GET1: variants seen among roughly 807,000 people sequenced by gnomAD.
GET1 encodes the protein congenital heart disease 5 protein.
GET1 carries 20 observed loss-of-function variants against 22.6 expected under a neutral mutation model. The observed-to-expected ratio is 0.89, with a 90% CI of 0.62 to 1.29. GET1 has a LOEUF of 1.29. Ranked by LOEUF, GET1 falls within the 50% of genes most tolerant of loss-of-function variation. The pLI is 0.00. For synonymous variants in GET1, 92 were observed against 83.8 expected (o/e 1.10, Z -0.53); for missense variants, 209 against 219.9 (o/e 0.95, Z 0.31).
chr21:39,381,452 G>A (rs544362916), intron 1 of GET1, among the ~76,000 whole-genome samples: 1 of 152,278 alleles, frequency 6.6e-6, no homozygotes, highest in East Asian at 1.9e-4. Context: ...TTGAGTGCCT[G>A]TTTTGTGCAA....
At chr21:39,410,989 G>T (rs1295874204), downstream of GET1, 2 of 467,292 alleles carry the variant, frequency 4.3e-6, no homozygotes, top group Non-Finnish European at 8.9e-6. Context: ...GGAGATTTTG[G>T]GGGGAAAGCA....
At chr21:39,391,604 G>A in intron 2 of GET1, 165 bp from the exon 3 acceptor site, 2 of 661,586 alleles carry the variant, frequency 3.0e-6, no homozygotes, top group East Asian at 3.0e-5. Flanking sequence ...TAATGAGATG[G>A]TGGGTGACTT....
chr21:39,391,904 A>AGAT lies in GET1; in HGVS notation c.336+69_336+71dup, dbSNP rs749820280. On this transcript the variant is annotated intron_variant, in intron 3 of 4. Transcript: ENST00000649170. ...CCCCGGCCTCCAGAGCCGTGTCTGC[A>AGAT]GATCCAGGGCTGGGAGTTCGGGCTG... The AGAT allele has an allele frequency of 3.3e-6, 5 of 1,511,842 alleles. No individual in the cohort carries two copies. The African/African-American group carries it at 6.9e-5, about 21-fold the overall frequency. The allele number at this position is 1,511,842 out of a possible 1,614,324, so 93.7% of individuals were successfully genotyped here.
At chr21:39,410,735 C>A (rs925944009), downstream of GET1, 12 of 434,016 alleles carry the variant, frequency 2.8e-5, no homozygotes, top group African/African-American at 2.5e-4. Flanking sequence ...TTAGACTGTC[C>A]ATGCTGAAGC....
intron 1 of GET1, among the ~76,000 whole-genome samples, chr21:39,426,978 G>A (rs2074827920): frequency 6.6e-6 from 1 of 152,230 alleles, no homozygotes; most frequent in Non-Finnish European, 1.5e-5. Flanking sequence ...ATTTCATGGG[G>A]TTCACAGACA....
intron 1 of GET1, among the ~76,000 whole-genome samples, chr21:39,420,531 A>AAAAAAAAG (rs1333844237): frequency 6.6e-6 from 1 of 151,122 alleles, no homozygotes; most frequent in African/African-American, 2.4e-5. Flanking sequence ...TCAAAAAAAA[A>AAAAAAAAG]AAAAAAAAAA....
chr21:39,422,635 C>T (rs2073954249), intron 1 of GET1: 1 of 387,516 alleles, frequency 2.6e-6, no homozygotes, highest in Admixed American at 4.1e-5. Flanking sequence ...AGAGAGGTTT[C>T]ACGTAACACA....
At chr21:39,405,626 T>C (rs1271691306) in intron 4 of GET1, among the ~76,000 whole-genome samples, 4 of 152,210 alleles carry the variant, frequency 2.6e-5, no homozygotes, top group Non-Finnish European at 5.9e-5. Context: ...AACCATATAG[T>C]AAACCAGTCT....
intron 1 of GET1, among the ~76,000 whole-genome samples, chr21:39,426,471 T>TGGAA (rs1391191400): frequency 6.6e-6 from 1 of 152,212 alleles, no homozygotes; most frequent in Non-Finnish European, 1.5e-5. Flanking sequence ...TGTAAACCCT[T>TGGAA]GGAACCAGAC....
At chr21:39,380,752 A>G (rs1435003099) in intron 1 of GET1, 3 of 1,181,100 alleles carry the variant, frequency 2.5e-6, no homozygotes, top group African/African-American at 1.6e-5. Flanking sequence ...GGCGAACCTC[A>G]CACTGGGAGT....
At chr21:39,409,053 T>G (rs2039609792), downstream of GET1, among the ~76,000 whole-genome samples, 1 of 152,328 alleles carries the variant, frequency 6.6e-6, no homozygotes, top group Admixed American at 6.5e-5. The surrounding 1 kb of genome is among the most constrained non-coding windows in gnomAD (Gnocchi z 4.2). Flanking sequence ...TGGCTATATT[T>G]GGAGACTGGG....
intron 1 of GET1, chr21:39,411,938 A>T (rs1413955869): frequency 1.8e-6 from 1 of 568,986 alleles, no homozygotes; most frequent in Non-Finnish European, 3.2e-6. Flanking sequence ...GAAATAGGCC[A>T]TATCATCCTA....
intron 4 of GET1, among the ~76,000 whole-genome samples, chr21:39,403,086 ACT>A (rs1233722912): frequency 6.6e-6 from 1 of 152,216 alleles, no homozygotes; most frequent in African/African-American, 2.4e-5. Flanking sequence ...TGGAGTAGAC[ACT>A]GTCATGTTAC....
At position 39,380,356 on chromosome 21, in the gene GET1, C is replaced by A. The variant is rs1569026089; in HGVS notation, c.-29C>A. The A allele has an allele frequency of 1.3e-6, 2 of 1,576,376 alleles. No individual in the cohort carries two copies. Among genetic ancestry groups the A allele is most frequent in the Non-Finnish European group, 1.7e-6 (2 of 1,159,562 alleles). ...TGTGGTCCCCATGGAGCTGCCGTAG[C>A]GGACCCAGCACAGCCAGGAGCGTCC... On this transcript the variant is annotated 5_prime_UTR_variant, in exon 1 of 5. Coordinates refer to ENST00000649170, the MANE Select transcript of GET1 (RefSeq NM_004627.6).
rs151080342 is a variant in GET1 at position 39,424,785 on chromosome 21, T to C, written c.*24-3447T>C. Among the ~76,000 whole-genome samples the C allele has an allele frequency of 9.8e-3, 1,491 of 152,342 alleles. 17 individuals are homozygous for C. The highest frequency in any genetic ancestry group is 0.021 in the African/African-American group (887 of 41,578). ...TTTGGCTGGGCACCAAATGAAGTAA[T>C]TGGCATGTGTCCAGGGGTCTATCTT... On this transcript the variant is annotated intron_variant, in intron 1 of 1. Coordinates refer to the GET1 transcript ENST00000478273.
At chr21:39,413,284 C>T (rs967070059) in intron 1 of GET1, among the ~76,000 whole-genome samples, 2 of 152,144 alleles carry the variant, frequency 1.3e-5, no homozygotes, top group Non-Finnish European at 2.9e-5. Flanking sequence ...ATGCCATCTC[C>T]ACTGAGACAG....
At chr21:39,387,003 G>T (rs1171691592) in intron 1 of GET1, among the ~76,000 whole-genome samples, 1 of 152,022 alleles carries the variant, frequency 6.6e-6, no homozygotes, top group East Asian at 1.9e-4. Context: ...CGGACCACAG[G>T]CGTGCACCAC....
At chr21:39,400,157 G>T (rs1282755302), downstream of GET1, among the ~76,000 whole-genome samples, 1 of 152,046 alleles carries the variant, frequency 6.6e-6, no homozygotes, top group Non-Finnish European at 1.5e-5. Context: ...TGCATCATGG[G>T]AGAGGTGTGT....
intron 1 of GET1, chr21:39,422,451 C>G (rs2073927825): frequency 6.5e-6 from 1 of 154,150 alleles, no homozygotes; most frequent in Non-Finnish European, 1.4e-5. Flanking sequence ...TCCCTACTAC[C>G]CAGGAACATT....
Sources: gnomAD v4.1 joint callset for allele counts (sites outside exome capture counted in the v4.1 genomes callset) on GRCh38, gnomAD v4.1.1 for gene constraint, Gnocchi (gnomAD v3.1) non-coding constraint, MANE v1.5 for transcripts, NCBI Gene and HGNC (gene_info 2026-07-23, HGNC 2026-07-21) for gene names.